Variants in CKMT2 observed in about 807,000 individuals in gnomAD.
The protein encoded by CKMT2 is creatine kinase, mitochondrial 2, also known as creatine kinase S-type, mitochondrial.
CKMT2 carries 43 observed loss-of-function variants against 48.9 expected under a neutral mutation model. The ratio of observed to expected loss-of-function variants is 0.88; its 90% CI spans 0.69 to 1.13. The LOEUF (loss-of-function observed/expected upper bound fraction) is 1.13. Ranked by LOEUF, CKMT2 falls within the 50% of genes most tolerant of loss-of-function variation. The probability of loss-of-function intolerance (pLI) is 0.00; values close to 1 mark genes in which losing one functional copy is unlikely to be tolerated. For synonymous variants in CKMT2, 206 were observed against 213.0 expected, an observed-to-expected ratio of 0.97 and a Z score of 0.29; for missense variants, 472 against 555.4, an observed-to-expected ratio of 0.85 and a Z score of 1.51.
chr5:81,255,433 A>T (rs1019915393), intron 5 of CKMT2, among the ~76,000 whole-genome samples: 2 of 152,236 alleles, frequency 1.3e-5, no homozygotes, highest in African/African-American at 4.8e-5. Flanking sequence ...TCTATGCATA[A>T]AATCTGCATA....
intron 9 of CKMT2, among the ~76,000 whole-genome samples, chr5:81,263,996 A>AT (rs1443066763): frequency 6.6e-6 from 1 of 152,170 alleles, no homozygotes; most frequent in Non-Finnish European, 1.5e-5. Flanking sequence ...AAATAGTGGA[A>AT]TTTTCTCTTG....
In CKMT2 at chr5:81,251,237, G is replaced by A. The variant is rs1249627459; in HGVS notation, c.105G>A (p.Gln35=). ...VLTTGYLLNR[Q]KVCAEVREQP... ...CCACCGGGTACCTGCTGAACCGGCAGAAAGTGTGTGCCGAGGTCCGGGAGC... is the reference window on the plus strand; with the variant it reads ...CCACCGGGTACCTGCTGAACCGGCAAAAAGTGTGTGCCGAGGTCCGGGAGC... Residue 35 remains glutamine (Q), a synonymous_variant, in exon 2 of 10, where the codon CAG becomes CAA. Transcript: ENST00000254035. The A allele has an allele frequency of 6.2e-7, 1 of 1,614,100 alleles. No individual in the cohort carries two copies. Among genetic ancestry groups the A allele is most frequent in the Non-Finnish European group, 8.5e-7 (1 of 1,180,048 alleles).
intron 1 of CKMT2, among the ~76,000 whole-genome samples, chr5:81,239,512 G>A (rs1367612177): frequency 2.0e-5 from 3 of 152,180 alleles, no homozygotes; most frequent in Non-Finnish European, 2.9e-5. Flanking sequence ...GTGGGGGCAC[G>A]TGGCATCCAC....
At chr5:81,242,485 TGTCATCAACCTTAATTA>T (rs1756471344) in intron 1 of CKMT2, 2 of 498,094 alleles carry the variant, frequency 4.0e-6, no homozygotes, top group African/African-American at 2.0e-5. Context: ...CCTAGTTTCT[TGTCATCAACCTTAATTA>T]GGTTGATTTG....
rs1032436753 is a variant in CKMT2, at chr5:81,233,493, C to T, written c.-21+116C>T. ...GCTGTAGACGGGGACCCCGTTAGGA[C>T]GCTGACTGCGAGGAGGCAATGGTGA... is the stretch of plus-strand genomic sequence containing the variant. On this transcript the variant is annotated intron_variant, in intron 1 of 9. Coordinates refer to ENST00000254035, the MANE Select transcript of CKMT2 (RefSeq NM_001099735.2). 3.5e-5 allele frequency: 26 copies of T among 737,262 alleles called. No individual in the cohort carries two copies. The African/African-American group carries it at 5.0e-4, about 14-fold the overall frequency. The allele number at this position is 737,262 out of a possible 1,614,324, so 45.7% of individuals were successfully genotyped here. A position where few individuals can be genotyped will look rare whatever the true frequency, so the allele number is the denominator to read the frequency against.
intron 1 of CKMT2, chr5:81,244,047 AG>A: frequency 1.0e-6 from 1 of 985,434 alleles, no homozygotes; most frequent in Non-Finnish European, 1.2e-6. Context: ...AATAGATCAA[AG>A]GAAATGTTTC....
At chr5:81,265,952 C>T (rs1327586604) in intron 9 of CKMT2, among the ~76,000 whole-genome samples, 187 bp from the exon 10 acceptor site, 1 of 152,158 alleles carries the variant, frequency 6.6e-6, no homozygotes, top group African/African-American at 2.4e-5. Context: ...AAGTAGTATC[C>T]CCATCTTAAC....
chr5:81,243,213 C>T (rs922427271), intron 1 of CKMT2, among the ~76,000 whole-genome samples: 3 of 152,078 alleles, frequency 2.0e-5, no homozygotes, highest in African/African-American at 7.2e-5. Flanking sequence ...TGAGTTTACC[C>T]GCAGATGCCA....
chr5:81,243,276 G>A lies in CKMT2; in HGVS notation c.-20-7837G>A, dbSNP rs137935570. Among the ~76,000 whole-genome samples, 36 of 152,334 alleles carry A rather than the reference G, an allele frequency of 2.4e-4. No homozygotes were observed. In the East Asian group the frequency reaches 6.4e-3, roughly 27 times the overall value. ...AATGAGCAGCCCATGAGTACACTGC[G>A]AACTGAGAGAGAATGCAGTCATCTT... On this transcript the variant is annotated intron_variant, in intron 1 of 9. Transcript: ENST00000254035.
chr5:81,256,361 TATTTC>T (rs1054849389), intron 5 of CKMT2, among the ~76,000 whole-genome samples: 3 of 152,218 alleles, frequency 2.0e-5, no homozygotes, highest in Non-Finnish European at 2.9e-5. Context: ...TAATTACACT[TATTTC>T]ATAGAGTTGT....
chr5:81,259,101 A>G lies in CKMT2; in HGVS notation c.880-19A>G. ...TGTTGGAAAATGCTGTCATTTGTTCACTGTGGTTCTACTTGTAGGTAGAAC... is the reference window on the plus strand; with the variant it reads ...TGTTGGAAAATGCTGTCATTTGTTCGCTGTGGTTCTACTTGTAGGTAGAAC... On this transcript the variant is annotated intron_variant, in intron 7 of 9. Transcript: ENST00000254035. The G allele has an allele frequency of 6.2e-7, 1 of 1,604,446 alleles. No homozygotes were observed. The highest frequency in any genetic ancestry group is 1.1e-5 in the South Asian group (1 of 88,852).
intron 1 of CKMT2, 105 bp from the exon 2 acceptor site, chr5:81,251,008 G>T: frequency 1.4e-6 from 1 of 718,342 alleles, no homozygotes; most frequent in Non-Finnish European, 2.3e-6. Flanking sequence ...CAGAGACACC[G>T]GAAAGAGAGG....
chr5:81,244,737 C>G (rs17294956), intron 1 of CKMT2: 44,181 of 152,076 alleles, frequency 0.29, 6,792 homozygotes, highest in Admixed American at 0.39. Flanking sequence ...TCCATCGAGG[C>G]ACATACCTGA....
chr5:81,236,744 A>T (rs774088080), intron 1 of CKMT2, among the ~76,000 whole-genome samples: 8 of 152,208 alleles, frequency 5.3e-5, no homozygotes, highest in Non-Finnish European at 1.2e-4. Context: ...TGGGGAGCCC[A>T]ATTGGTTAAA....
At chr5:81,249,474 C>T (rs551181623) in intron 1 of CKMT2, among the ~76,000 whole-genome samples, 101 of 152,332 alleles carry the variant, frequency 6.6e-4, no homozygotes, top group African/African-American at 2.3e-3. Flanking sequence ...CATTACACAG[C>T]TCCCTGCTAG....
chr5:81,258,127 T>A (rs905918813), intron 7 of CKMT2, among the ~76,000 whole-genome samples: 1 of 152,146 alleles, frequency 6.6e-6, no homozygotes, highest in Non-Finnish European at 1.5e-5. Context: ...CTCGAACTCC[T>A]GACCACAGGT....
chr5:81,255,546 T>C (rs1756975646), intron 5 of CKMT2, among the ~76,000 whole-genome samples: 2 of 152,208 alleles, frequency 1.3e-5, no homozygotes, highest in South Asian at 4.1e-4. Context: ...GTGGAAATCC[T>C]GTCTGTGTCC....
chr5:81,258,328 C>T (rs1757088277), intron 7 of CKMT2, among the ~76,000 whole-genome samples: 1 of 152,202 alleles, frequency 6.6e-6, no homozygotes. Context: ...GCTTACTTCC[C>T]CATTCCACTG....
intron 2 of CKMT2, chr5:81,252,055 T>A (rs1206176407): frequency 6.4e-6 from 1 of 155,842 alleles, no homozygotes; most frequent in Middle Eastern, 3.2e-3. Flanking sequence ...AGTACTGACT[T>A]TAAGTATCGG....
Sources: gnomAD v4.1 joint callset for allele counts (sites outside exome capture counted in the v4.1 genomes callset) on GRCh38, gnomAD v4.1.1 for gene constraint, MANE v1.5 for transcripts, NCBI Gene and HGNC (gene_info 2026-07-23, HGNC 2026-07-21) for gene names.